Variants in LIMA1 observed in about 807,000 individuals in gnomAD.
LIMA1 encodes LIM domain and actin binding 1.
A neutral mutation model predicts 62.6 loss-of-function variants in LIMA1; 52 were observed. The ratio of observed to expected loss-of-function variants is 0.83; its 90% CI spans 0.67 to 1.05. The LOEUF is 1.05. Ranked by LOEUF, LIMA1 falls within the 50% of genes least tolerant of loss-of-function variation. The pLI, the probability that LIMA1 is intolerant of heterozygous loss-of-function variation, is 0.00. For missense variants in LIMA1, 780 were observed against 902.2 expected (o/e 0.86, Z 1.74); for synonymous variants, 302 against 317.8 (o/e 0.95, Z 0.53).
chr12:50,211,720 C>G (rs1007042041), intron 4 of LIMA1, among the ~76,000 whole-genome samples: 2 of 151,964 alleles, frequency 1.3e-5, no homozygotes, highest in Non-Finnish European at 2.9e-5. Flanking sequence ...CCACATTTTC[C>G]AAGTGGTAAT....
At chr12:50,236,885 G>A (rs928182547) in intron 2 of LIMA1, among the ~76,000 whole-genome samples, 5 of 151,930 alleles carry the variant, frequency 3.3e-5, no homozygotes, top group African/African-American at 9.7e-5. Context: ...CGAGGCTGCC[G>A]TGGGCTGTCA....
chr12:50,219,203 A>G (rs1941401653), intron 4 of LIMA1, among the ~76,000 whole-genome samples: 1 of 151,592 alleles, frequency 6.6e-6, no homozygotes, highest in South Asian at 2.1e-4. Flanking sequence ...CTAGACTGAG[A>G]CTGGGCGTGG....
chr12:50,260,369 G>A (rs888229774), intron 1 of LIMA1, among the ~76,000 whole-genome samples: 9 of 152,098 alleles, frequency 5.9e-5, no homozygotes, highest in East Asian at 3.9e-4. Context: ...GGCTGGTCTC[G>A]AACTCCTGAC....
At chr12:50,216,027 AG>A (rs1375014140) in intron 4 of LIMA1, among the ~76,000 whole-genome samples, 1 of 132,642 alleles carries the variant, frequency 7.5e-6, no homozygotes, top group African/African-American at 3.0e-5. Flanking sequence ...TGGGCAACAG[AG>A]CGAGGCTGTC....
At chr12:50,227,839 A>G (rs1245341109) in intron 3 of LIMA1, among the ~76,000 whole-genome samples, 2 of 149,398 alleles carry the variant, frequency 1.3e-5, no homozygotes. Context: ...TTTATTTGAT[A>G]TGGTAATTTT....
In LIMA1 at chr12:50,177,164, T is replaced by C. The variant is rs772504802; in HGVS notation, c.2180A>G (p.Gln727Arg). ...EEFTTQNQKS[Q>R]DVELWEGEVV... ...TTCTCCCTCCCAGAGTTCCACATCC[T>C]GGGATTTCTGATTCTGAGTAGTGAA... The change falls in exon 11 of 11, where the codon CAG becomes CGG. Residue 727 changes from glutamine to arginine, a missense_variant. Gln to Arg is a conservative substitution (Grantham distance 43). Transcript: ENST00000341247. 1 of 1,613,968 alleles carries C rather than the reference T, an allele frequency of 6.2e-7. No individual in the cohort carries two copies. The highest frequency in any genetic ancestry group is 8.5e-7 in the Non-Finnish European group (1 of 1,180,000).
chr12:50,199,800 A>T (rs1025251202), intron 7 of LIMA1, among the ~76,000 whole-genome samples: 4 of 152,184 alleles, frequency 2.6e-5, no homozygotes, highest in African/African-American at 9.7e-5. Flanking sequence ...GTATCTGAAG[A>T]TAATCTCTAA....
rs151060012 is a variant in LIMA1, at chr12:50,207,001, T to C, written c.631-933A>G. 2.4e-3 allele frequency among the ~76,000 whole-genome samples: 369 copies of C among 152,206 alleles called. 1 individual carries two copies. The highest frequency in any genetic ancestry group is 8.2e-3 in the African/African-American group (341 of 41,530). On this transcript the variant is annotated intron_variant, in intron 4 of 10. Coordinates refer to ENST00000341247, the MANE Select transcript of LIMA1 (RefSeq NM_016357.5). Reference sequence around the variant, plus strand: ...GTATAGTGATGTGATCTTGGCTCACTGCAGCCTCCGCCTCCCAGGTTCAAG... The same window carrying C: ...GTATAGTGATGTGATCTTGGCTCACCGCAGCCTCCGCCTCCCAGGTTCAAG...
Position 50,200,831 on chromosome 12 carries a change from C to T in LIMA1, c.918G>A (p.Lys306=), listed in dbSNP as rs1334507391. The change falls in exon 7 of 11, where the codon AAG becomes AAA. Residue 306 remains lysine (K), a synonymous_variant. Coordinates refer to ENST00000341247, the MANE Select transcript of LIMA1 (RefSeq NM_016357.5). ...GEIKIHKMEQ[K]ENVPPGPEVC... ...CCTCAGGACCTGGGGGCACATTCTC[C>T]TTTTGCTCCATTTTATGAATTTTGA... The T allele has an allele frequency of 2.5e-6, 4 of 1,614,190 alleles. No homozygotes were observed. The South Asian group carries it at 3.3e-5, about 13-fold the overall frequency.
At chr12:50,255,980 C>G (rs543948827) in intron 1 of LIMA1, among the ~76,000 whole-genome samples, 1 of 152,134 alleles carries the variant, frequency 6.6e-6, no homozygotes, top group Admixed American at 6.6e-5. Flanking sequence ...ACCTCCGCCT[C>G]CCAGGTTCAA....
intron 4 of LIMA1, among the ~76,000 whole-genome samples, chr12:50,207,213 C>T (rs1941170124): frequency 6.6e-6 from 1 of 152,200 alleles, no homozygotes; most frequent in South Asian, 2.1e-4. Flanking sequence ...GCTTGAGCCA[C>T]TGCGCCTGGC....
chr12:50,211,318 C>T (rs561988803), intron 4 of LIMA1, among the ~76,000 whole-genome samples: 5 of 143,926 alleles, frequency 3.5e-5, no homozygotes, highest in African/African-American at 5.2e-5. Context: ...AGCGAAACTC[C>T]GCCCCACCCC....
intron 9 of LIMA1, 109 bp downstream of exon 9, chr12:50,192,343 C>T (rs1037301124): frequency 2.5e-6 from 2 of 813,436 alleles, no homozygotes; most frequent in East Asian, 4.9e-5. Context: ...GCATTATCAT[C>T]CACAGGAAAG....
At chr12:50,269,346 G>T (rs758879784) in intron 1 of LIMA1, among the ~76,000 whole-genome samples, 3 of 152,154 alleles carry the variant, frequency 2.0e-5, no homozygotes, top group South Asian at 2.1e-4. Flanking sequence ...GAGGCCCAAA[G>T]AAGTTAAATA....
chr12:50,237,409 G>A (rs1941711356), intron 2 of LIMA1, among the ~76,000 whole-genome samples: 1 of 152,174 alleles, frequency 6.6e-6, no homozygotes. Context: ...GGCCAAGGCG[G>A]GCGGATCTCC....
intron 4 of LIMA1, among the ~76,000 whole-genome samples, chr12:50,207,734 C>A (rs1299081750): frequency 1.3e-5 from 2 of 151,508 alleles, no homozygotes; most frequent in African/African-American, 4.9e-5. Flanking sequence ...ACTAAAAATA[C>A]AAAAAATTAG....
At position 50,201,336 on chromosome 12, in the gene LIMA1, G is replaced by A. The variant is rs1941045930; in HGVS notation, c.865-452C>T. On this transcript the variant is annotated intron_variant, in intron 6 of 10. Coordinates refer to ENST00000341247, the MANE Select transcript of LIMA1 (RefSeq NM_016357.5). ...TATAAATGCCCGGCCTGGAAAGAGA[G>A]ACAGGGATGATGTATACATATAAAA... The A allele has an allele frequency of 3.0e-6, 3 of 987,526 alleles. No homozygotes were observed. The South Asian group carries it at 1.4e-4, about 46-fold the overall frequency. 61.2% of individuals were successfully genotyped at this position (987,526 alleles called of 1,614,324 possible). A position where few individuals can be genotyped will look rare whatever the true frequency, so the allele number is the denominator to read the frequency against.
chr12:50,197,671 T>C (rs1365233149), intron 7 of LIMA1, among the ~76,000 whole-genome samples: 2 of 152,158 alleles, frequency 1.3e-5, no homozygotes, highest in Non-Finnish European at 2.9e-5. Context: ...ATGAAGACAA[T>C]GACGAAGGAA....
At chr12:50,237,220 AGAG>A (rs1442237853) in intron 2 of LIMA1, among the ~76,000 whole-genome samples, 1 of 152,256 alleles carries the variant, frequency 6.6e-6, no homozygotes, top group African/African-American at 2.4e-5. Flanking sequence ...GTCCGTTAGC[AGAG>A]GAGTGGTAAA....
Sources: allele counts gnomAD v4.1 joint callset (sites outside exome capture counted in the v4.1 genomes callset), GRCh38; gene constraint gnomAD v4.1.1; transcripts MANE v1.5; gene names NCBI Gene and HGNC (gene_info 2026-07-23, HGNC 2026-07-21).